HECW1: variants seen among roughly 807,000 people sequenced by gnomAD.
The protein encoded by HECW1 is E3 ubiquitin-protein ligase HECW1.
HECW1 carries 61 observed loss-of-function variants against 182.3 expected under a neutral mutation model. The ratio of observed to expected loss-of-function variants is 0.33; its 90% CI spans 0.27 to 0.41. The LOEUF is 0.41. HECW1 is among the 10% of genes least tolerant of loss of function. The pLI, the probability that HECW1 is intolerant of heterozygous loss-of-function variation, is 1.00. For synonymous variants in HECW1, 859 were observed against 832.6 expected, an observed-to-expected ratio of 1.03 and a Z score of -0.55; for missense variants, 1,739 against 2,108.9, an observed-to-expected ratio of 0.82 and a Z score of 3.44.
At chr7:43,186,478 T>A (rs1378428407) in intron 2 of HECW1, among the ~76,000 whole-genome samples, 1 of 152,006 alleles carries the variant, frequency 6.6e-6, no homozygotes, top group Non-Finnish European at 1.5e-5. Context: ...CCATCCTGGC[T>A]AACACGGTGA....
At chr7:43,408,520 C>CAA (rs749031292) in intron 8 of HECW1, among the ~76,000 whole-genome samples, 79 of 135,860 alleles carry the variant, frequency 5.8e-4, no homozygotes, top group African/African-American at 2.1e-3. Flanking sequence ...CCATCTCCAC[C>CAA]AAAAAAAAAA....
At chr7:43,475,433 T>C (rs1479822164) in intron 16 of HECW1, among the ~76,000 whole-genome samples, 1 of 152,196 alleles carries the variant, frequency 6.6e-6, no homozygotes, top group Non-Finnish European at 1.5e-5. Flanking sequence ...TGAAAATACA[T>C]GTGAACAATA....
At position 43,450,812 on chromosome 7, in the gene HECW1, A is replaced by G; in HGVS notation, c.2399-16A>G. The stretch of plus-strand genomic sequence containing the variant: ...GCAGTGAATGAATCTGAATGTATTG[A>G]CTATCTTGTCCGTAGGTGAATGTCC... On this transcript the variant is annotated splice_polypyrimidine_tract_variant and intron_variant, in intron 11 of 29. Coordinates refer to ENST00000395891, the MANE Select transcript of HECW1 (RefSeq NM_015052.5). 1 of 1,507,332 alleles carries G rather than the reference A, an allele frequency of 6.6e-7. No individual in the cohort carries two copies. Among genetic ancestry groups the G allele is most frequent in the South Asian group, 1.1e-5 (1 of 88,826 alleles). The allele number at this position is 1,507,332 out of a possible 1,614,324, so 93.4% of individuals were successfully genotyped here. A position where few individuals can be genotyped will look rare whatever the true frequency, so the allele number is the denominator to read the frequency against.
intron 24 of HECW1, among the ~76,000 whole-genome samples, chr7:43,520,848 T>C (rs2080437899): frequency 6.6e-6 from 1 of 152,202 alleles, no homozygotes; most frequent in African/African-American, 2.4e-5. Flanking sequence ...TAATCTACTG[T>C]CTGCGTCTCT....
chr7:43,168,001 C>G (rs1269982759), intron 2 of HECW1, among the ~76,000 whole-genome samples: 1 of 152,190 alleles, frequency 6.6e-6, no homozygotes, highest in Non-Finnish European at 1.5e-5. Flanking sequence ...CAACACCACA[C>G]CACCAAGTAA....
At chr7:43,394,396 C>G (rs1210009799) in intron 6 of HECW1, among the ~76,000 whole-genome samples, 1 of 152,172 alleles carries the variant, frequency 6.6e-6, no homozygotes, top group Non-Finnish European at 1.5e-5. Flanking sequence ...GGGATTTATT[C>G]TAGGTCCCAT....
intron 28 of HECW1, among the ~76,000 whole-genome samples, chr7:43,553,277 A>G (rs2081902949): frequency 6.6e-6 from 1 of 152,136 alleles, no homozygotes; most frequent in South Asian, 2.1e-4. Flanking sequence ...AATCCCATCA[A>G]TACAGTAGAG....
chr7:43,214,911 G>A (rs1029480), intron 2 of HECW1, among the ~76,000 whole-genome samples: 99,505 of 152,100 alleles, frequency 0.65, 33,131 homozygotes, highest in East Asian at 0.87. Context: ...GGGAGGCAGC[G>A]GGTGAGGGGG....
intron 3 of HECW1, chr7:43,274,249 G>A (rs1316738218): frequency 2.6e-6 from 2 of 780,398 alleles, no homozygotes; most frequent in Non-Finnish European, 4.0e-6. Flanking sequence ...TACTGCATGC[G>A]AATCTTTGCG....
intron 3 of HECW1, among the ~76,000 whole-genome samples, chr7:43,305,849 C>T (rs1383328009): frequency 2.0e-5 from 3 of 152,146 alleles, no homozygotes; most frequent in Admixed American, 1.3e-4. Context: ...CAACCTCTGC[C>T]TCCTGGGTTC....
intron 6 of HECW1, among the ~76,000 whole-genome samples, chr7:43,385,109 A>G (rs954609847): frequency 2.0e-5 from 3 of 151,376 alleles, no homozygotes; most frequent in Admixed American, 1.3e-4. Context: ...AAACGGGTTC[A>G]GCCAAAGGGG....
At chr7:43,123,768 G>C (rs1157492203) in intron 2 of HECW1, among the ~76,000 whole-genome samples, 1 of 152,158 alleles carries the variant, frequency 6.6e-6, no homozygotes, top group Non-Finnish European at 1.5e-5. Context: ...TGATGCTGTG[G>C]AATAGTGGTA....
chr7:43,367,428 G>C (rs1199638265), intron 6 of HECW1, among the ~76,000 whole-genome samples: 1 of 152,162 alleles, frequency 6.6e-6, no homozygotes, highest in African/African-American at 2.4e-5. Context: ...AGTTATGCTA[G>C]GGAAGCAAGA....
At chr7:43,377,589 G>C (rs1278169682) in intron 6 of HECW1, among the ~76,000 whole-genome samples, 1 of 152,106 alleles carries the variant, frequency 6.6e-6, no homozygotes, top group Non-Finnish European at 1.5e-5. Flanking sequence ...TTTCCTGAAA[G>C]AGTCCAAAAA....
rs944134386 is a variant in HECW1, at chr7:43,508,986, C to T, written c.3884C>T (p.Pro1295Leu). ...CTTTGCAGCCTGGACTACAGTGGCCCCTCGCGGGAGTTCTTCTTCCTTCTG... is the reference window on the plus strand; with the variant it reads ...CTTTGCAGCCTGGACTACAGTGGCCTCTCGCGGGAGTTCTTCTTCCTTCTG... ...VGEEGLDYSG[P>L]SREFFFLLSQ... The change falls in exon 24 of 30, where the codon CCC becomes CTC. Residue 1295 changes from proline (P) to leucine (L), a missense_variant. Physicochemically the swap from Pro to Leu is moderately conservative, Grantham distance 98 (BLOSUM62 -3). Around this residue, in one of 5 missense-constraint regions of HECW1, gnomAD observed 420 missense variants for 595.7 expected, o/e 0.71. Coordinates refer to ENST00000395891, the MANE Select transcript of HECW1 (RefSeq NM_015052.5). The T allele has an allele frequency of 1.7e-5, 27 of 1,613,918 alleles. No individual in the cohort carries two copies. The highest frequency in any genetic ancestry group is 2.2e-5 in the Non-Finnish European group (26 of 1,179,960).
intron 2 of HECW1, among the ~76,000 whole-genome samples, chr7:43,203,447 G>A (rs1328465904): frequency 2.0e-5 from 3 of 151,790 alleles, no homozygotes; most frequent in Non-Finnish European, 2.9e-5. Flanking sequence ...TTTGTTTCTT[G>A]TAAGAATAAA....
At chr7:43,118,664 C>T (rs1222988899) in intron 2 of HECW1, 8 of 152,042 alleles carry the variant, frequency 5.3e-5, no homozygotes, top group African/African-American at 7.2e-5. Flanking sequence ...TACTTAATGA[C>T]GTTTTCCCTC....
chr7:43,396,686 C>T (rs1313554313), intron 6 of HECW1, 128 bp from the exon 7 acceptor site: 2 of 640,170 alleles, frequency 3.1e-6, no homozygotes, highest in Admixed American at 4.8e-5. Context: ...CAATAGTTGC[C>T]CAGTGAAATC....
In HECW1 at chr7:43,404,269, T is replaced by G. The variant is rs533031224; in HGVS notation, c.632-3293T>G. ...GTCTTTATAAAGAAAAGTGTAAACA[T>G]TTGCTGAAGGACAGGAAAGAAGACC... On this transcript the variant is annotated intron_variant, in intron 7 of 29. Coordinates refer to ENST00000395891, the MANE Select transcript of HECW1 (RefSeq NM_015052.5). Among the ~76,000 whole-genome samples the G allele has an allele frequency of 3.9e-5, 6 of 152,318 alleles. No individual in the cohort carries two copies. The East Asian group carries it at 1.2e-3, about 29-fold the overall frequency.
Sources: allele counts gnomAD v4.1 joint callset (sites outside exome capture counted in the v4.1 genomes callset), GRCh38; gene constraint gnomAD v4.1.1; regional missense constraint gnomAD v4.1.1; transcripts MANE v1.5; gene names NCBI Gene and HGNC (gene_info 2026-07-23, HGNC 2026-07-21).